EXOC7: variants seen among roughly 807,000 people sequenced by gnomAD.
EXOC7 encodes the protein exocyst complex component 7, also known as exocyst complex component Exo70.
EXOC7 carries 51 observed loss-of-function variants against 87.6 expected under a neutral mutation model. The observed-to-expected ratio is 0.58, with a 90% CI of 0.46 to 0.73. EXOC7 has a LOEUF of 0.73. Ranked by LOEUF, EXOC7 falls within the 30% of genes least tolerant of loss-of-function variation. EXOC7 has a pLI of 0.00. For synonymous variants in EXOC7, 327 were observed against 357.1 expected (o/e 0.92, Z 0.95); for missense variants, 744 against 888.4 (o/e 0.84, Z 2.07).
Position 76,084,301 on chromosome 17 carries a change from G to T in EXOC7, c.1777-12C>A. 1 of 1,613,538 alleles carries T rather than the reference G, an allele frequency of 6.2e-7. No homozygotes were observed. Among genetic ancestry groups the T allele is most frequent in the Non-Finnish European group, 8.5e-7 (1 of 1,180,034 alleles). On this transcript the variant is annotated splice_polypyrimidine_tract_variant and intron_variant, in intron 16 of 18. Coordinates refer to ENST00000589210, the MANE Select transcript of EXOC7 (RefSeq NM_001013839.4). Reference sequence around the variant, plus strand: ...TCCTTGTCCCGGAGCTGGGAAGCCAGGAGAGATAGCAGAGAAAGCTCACTT... The same window carrying T: ...TCCTTGTCCCGGAGCTGGGAAGCCATGAGAGATAGCAGAGAAAGCTCACTT...
intron 4 of EXOC7, among the ~76,000 whole-genome samples, chr17:76,098,636 C>A (rs1208181137): frequency 6.6e-6 from 1 of 151,240 alleles, no homozygotes; most frequent in Non-Finnish European, 1.5e-5. Flanking sequence ...CCGAGGCGGG[C>A]AGATCACAAG....
intron 6 of EXOC7, 176 bp downstream of exon 6, chr17:76,094,238 G>T (rs1360672699): frequency 3.3e-6 from 2 of 607,512 alleles, no homozygotes; most frequent in Non-Finnish European, 5.5e-6. Context: ...TCTTGCTCTT[G>T]GGGGGCTTCA....
chr17:76,085,080 G>A (rs2067149754), intron 15 of EXOC7: 1 of 562,116 alleles, frequency 1.8e-6, no homozygotes, highest in African/African-American at 1.9e-5. Context: ...TCTTAGCCTT[G>A]ACACTTGGCA....
At chr17:76,085,579 C>T (rs1048394095) in intron 14 of EXOC7, 98 bp downstream of exon 14, 8 of 1,583,476 alleles carry the variant, frequency 5.1e-6, no homozygotes, top group Middle Eastern at 1.7e-4. Flanking sequence ...CCTCCCCTCT[C>T]GTCCACAAGA....
chr17:76,089,746 G>A (rs2067389796), intron 7 of EXOC7: 1 of 206,526 alleles, frequency 4.8e-6, no homozygotes, highest in Non-Finnish European at 1.0e-5. Flanking sequence ...GGTCATCCAT[G>A]TGGGCAAATG....
At chr17:76,097,766 G>A (rs2067842310) in intron 5 of EXOC7, 30 bp downstream of exon 5, 6 of 1,120,820 alleles carry the variant, frequency 5.4e-6, no homozygotes, top group Non-Finnish European at 8.0e-6. Context: ...TGCCTCTGGT[G>A]TGTCATGTGG....
rs2067008457 is a variant in EXOC7, at chr17:76,082,099, G to A, written c.*1549C>T. On this transcript the variant is annotated 3_prime_UTR_variant, in exon 19 of 19. Coordinates refer to ENST00000589210, the MANE Select transcript of EXOC7 (RefSeq NM_001013839.4). ...AATGAGGCCTAGGTGCACACCTAGG[G>A]CTGGGGTGAGGGCACGGAGGTCCAG... 6.5e-7 allele frequency: 1 copy of A among 1,531,784 alleles called. No homozygotes were observed. Among genetic ancestry groups the A allele is most frequent in the Non-Finnish European group, 8.8e-7 (1 of 1,141,454 alleles). 94.9% of individuals were successfully genotyped at this position (1,531,784 alleles called of 1,614,324 possible).
intron 4 of EXOC7, among the ~76,000 whole-genome samples, chr17:76,098,279 G>C (rs955207096): frequency 6.6e-5 from 10 of 152,020 alleles, no homozygotes; most frequent in African/African-American, 2.4e-4. Flanking sequence ...TGGGATTACA[G>C]GCACGTGCCA....
At chr17:76,101,601 A>G in intron 3 of EXOC7, 78 bp downstream of exon 3, 1 of 1,499,778 alleles carries the variant, frequency 6.7e-7, no homozygotes, top group Non-Finnish European at 9.0e-7. Flanking sequence ...AGCCTCCCAA[A>G]TTGTTGGGAT....
At chr17:76,088,417 G>T in intron 10 of EXOC7, 47 bp downstream of exon 10, 1 of 1,567,328 alleles carries the variant, frequency 6.4e-7, no homozygotes, top group Non-Finnish European at 8.8e-7. Context: ...CCAGGTCACT[G>T]TGGTGCTGGG....
At chr17:76,090,290 G>C in intron 7 of EXOC7, 1 of 1,544,540 alleles carries the variant, frequency 6.5e-7, no homozygotes, top group South Asian at 1.2e-5. Context: ...TGCGAAGGCA[G>C]TGTCAGCGGC....
At chr17:76,085,968 A>G in intron 13 of EXOC7, 112 bp downstream of exon 13, 1 of 1,510,478 alleles carries the variant, frequency 6.6e-7, no homozygotes, top group Non-Finnish European at 9.0e-7. Flanking sequence ...TCCAAAGATC[A>G]GATGGCACTT....
At position 76,084,551 on chromosome 17, in the gene EXOC7, T is replaced by C. The variant is rs748885908; in HGVS notation, c.1742A>G (p.Glu581Gly). 1.9e-6 allele frequency: 3 copies of C among 1,613,808 alleles called. No homozygotes were observed. ...CGGCTGGAACACAGGTAGATTCTTC[T>C]CTGCGATGTAATCAGTCACCTTTAA... is the stretch of plus-strand genomic sequence containing the variant. ...SWLKVTDYIA[E>G]KNLPVFQPGV... The change falls in exon 16 of 19, where the codon GAG (glutamate) becomes GGG (glycine). Residue 581 changes from glutamate to glycine, a missense_variant. This residue lies in a region of EXOC7 where 228 missense variants were observed against 298.6 expected (regional missense o/e 0.76). Coordinates refer to ENST00000589210, the MANE Select transcript of EXOC7 (RefSeq NM_001013839.4).
intron 12 of EXOC7, chr17:76,086,851 T>C (rs2067235097): frequency 6.4e-7 from 1 of 1,551,164 alleles, no homozygotes; most frequent in Non-Finnish European, 8.7e-7. Flanking sequence ...CCGCACTGCT[T>C]ACCTCGGGGG....
Position 76,103,735 on chromosome 17 carries a change from C to T in EXOC7, c.-43G>A. 2 of 1,559,990 alleles carry T rather than the reference C, an allele frequency of 1.3e-6. No individual in the cohort carries two copies. Among genetic ancestry groups the T allele is most frequent in the South Asian group, 1.2e-5 (1 of 84,746 alleles). On this transcript the variant is annotated 5_prime_UTR_variant, in exon 1 of 19. Transcript: ENST00000589210. ...CTCCCACTCCCCAGTATCTTTCCTC[C>T]GCGGGCCCACCGGGCCCCCGTCCCC...
At chr17:76,086,859 G>A (rs761161088) in intron 12 of EXOC7, 1 of 1,551,282 alleles carries the variant, frequency 6.4e-7, no homozygotes, top group Non-Finnish European at 8.7e-7. Context: ...CTTACCTCGG[G>A]GGTCTAAAGG....
In EXOC7 at chr17:76,085,732, G is replaced by A. The variant is rs1347618122; in HGVS notation, c.1561C>T (p.Leu521=). 6.2e-7 allele frequency: 1 copy of A among 1,614,136 alleles called. No individual in the cohort carries two copies. The highest frequency in any genetic ancestry group is 8.5e-7 in the Non-Finnish European group (1 of 1,180,030). The part of the protein sequence containing the change: ...SKSKVYEDPA[L]SAIFLHNNYN... ...TTGTTGTGCAGGAAGATGGCGCTCAGAGCTGGGTCCTCGTACACCTTGGAC... is the reference window on the plus strand; with the variant it reads ...TTGTTGTGCAGGAAGATGGCGCTCAAAGCTGGGTCCTCGTACACCTTGGAC... The change falls in exon 14 of 19, where the codon CTG becomes TTG. Residue 521 remains leucine (L), a synonymous_variant. Coordinates refer to ENST00000589210, the MANE Select transcript of EXOC7 (RefSeq NM_001013839.4).
At chr17:76,090,388 T>C in intron 7 of EXOC7, 2 of 1,551,724 alleles carry the variant, frequency 1.3e-6, no homozygotes, top group South Asian at 1.2e-5. Context: ...TCGGAAATCA[T>C]GCTCGTGACC....
intron 7 of EXOC7, chr17:76,090,880 A>C: frequency 1.8e-6 from 1 of 555,748 alleles, no homozygotes; most frequent in Non-Finnish European, 3.2e-6. Context: ...CTGAGTTCAC[A>C]CAGGAGACAA....
Sources: allele counts gnomAD v4.1 joint callset (sites outside exome capture counted in the v4.1 genomes callset), GRCh38; gene constraint gnomAD v4.1.1; regional missense constraint gnomAD v4.1.1; transcripts MANE v1.5; gene names NCBI Gene and HGNC (gene_info 2026-07-23, HGNC 2026-07-21).